The following CAMTA1 variants were observed in gnomAD, a reference collection of about 807,000 sequenced individuals.
The protein encoded by CAMTA1 is calmodulin-binding transcription activator 1.
CAMTA1 carries 27 observed loss-of-function variants against 170.9 expected under a neutral mutation model. The ratio of observed to expected loss-of-function variants is 0.16; its 90% CI spans 0.12 to 0.22. CAMTA1 has a LOEUF of 0.22. Among genes scored for constraint, CAMTA1 ranks in the 10% least tolerant of loss-of-function variants. The pLI, the probability that CAMTA1 is intolerant of heterozygous loss-of-function variation, is 1.00. For missense variants in CAMTA1, 1,619 were observed against 2,217.2 expected, an observed-to-expected ratio of 0.73 and a Z score of 5.42; for synonymous variants, 833 against 891.5, an observed-to-expected ratio of 0.93 and a Z score of 1.17.
chr1:7,722,253 A>G (rs915879621), intron 11 of CAMTA1, among the ~76,000 whole-genome samples: 1 of 152,160 alleles, frequency 6.6e-6, no homozygotes, highest in Non-Finnish European at 1.5e-5. Context: ...AAACATTGCT[A>G]AGGAATTTTA....
intron 11 of CAMTA1, among the ~76,000 whole-genome samples, chr1:7,695,677 C>T (rs1174093225): frequency 6.6e-6 from 1 of 152,078 alleles, no homozygotes; most frequent in African/African-American, 2.4e-5. Context: ...TGTGGCTGCA[C>T]CATGAGGGGC....
rs148843700 is a variant in CAMTA1, at chr1:7,286,078, T to C, written c.438+36452T>C. Among the ~76,000 whole-genome samples, 676 of 152,292 alleles carry C rather than the reference T, an allele frequency of 4.4e-3. 8 individuals carry two copies. The highest frequency in any genetic ancestry group is 0.024 in the Admixed American group (369 of 15,302). ...GTGTGCCAAGCACCATGCCAGATTC[T>C]GAAGACTCAGGGACCAGCGCCACAT... On this transcript the variant is annotated intron_variant, in intron 5 of 22. Transcript: ENST00000303635. The surrounding 1 kb of genome is among the most constrained non-coding windows in gnomAD (Gnocchi z 4.2).
intron 5 of CAMTA1, among the ~76,000 whole-genome samples, chr1:7,317,169 G>A (rs1677654638): frequency 6.6e-6 from 1 of 152,214 alleles, no homozygotes; most frequent in Non-Finnish European, 1.5e-5. Flanking sequence ...GGATGGGGAA[G>A]GGACCACAGC....
chr1:7,401,159 A>C (rs533961051), intron 5 of CAMTA1, among the ~76,000 whole-genome samples: 3 of 152,212 alleles, frequency 2.0e-5, no homozygotes, highest in Non-Finnish European at 4.4e-5. Flanking sequence ...TATGTCTATG[A>C]TCTGCTTTGC....
At chr1:7,117,009 C>T (rs1430238878) in intron 4 of CAMTA1, among the ~76,000 whole-genome samples, 1 of 151,308 alleles carries the variant, frequency 6.6e-6, no homozygotes, top group East Asian at 1.9e-4. Context: ...GCTCTTGTTG[C>T]CCAGGCTGGA....
intron 6 of CAMTA1, among the ~76,000 whole-genome samples, chr1:7,471,362 G>A (rs2093327053): frequency 6.6e-6 from 1 of 152,246 alleles, no homozygotes; most frequent in African/African-American, 2.4e-5. Context: ...GGCATGACCA[G>A]TAACCACCAT....
intron 11 of CAMTA1, among the ~76,000 whole-genome samples, chr1:7,717,765 T>C (rs971294779): frequency 6.6e-6 from 1 of 152,090 alleles, no homozygotes; most frequent in Non-Finnish European, 1.5e-5. Flanking sequence ...ATATTCTTAT[T>C]AGCTAAAAGG....
intron 6 of CAMTA1, among the ~76,000 whole-genome samples, chr1:7,638,308 T>C (rs561754870): frequency 5.3e-5 from 8 of 152,274 alleles, no homozygotes; most frequent in African/African-American, 1.9e-4. Flanking sequence ...CCCTGCAGCG[T>C]CTGATATCCT....
At chr1:7,424,498 G>A (rs1270740475) in intron 5 of CAMTA1, among the ~76,000 whole-genome samples, 1 of 152,020 alleles carries the variant, frequency 6.6e-6, no homozygotes, top group African/African-American at 2.4e-5. Context: ...TGCCTGAGAG[G>A]GGATCCACAT....
At chr1:7,437,468 G>A (rs909641759) in intron 5 of CAMTA1, among the ~76,000 whole-genome samples, 11 of 152,134 alleles carry the variant, frequency 7.2e-5, no homozygotes, top group Non-Finnish European at 1.2e-4. Flanking sequence ...ACCTGTGTTC[G>A]TGTCTGTGCC....
chr1:7,163,993 C>A lies in CAMTA1; in HGVS notation c.302+72622C>A, dbSNP rs76775277. Reference sequence around the variant, plus strand: ...GTTTCTAGCACAGATATGCTAGCACCTACTATGTGCTCAAAAATGTTGGTT... The same window carrying A: ...GTTTCTAGCACAGATATGCTAGCACATACTATGTGCTCAAAAATGTTGGTT... On this transcript the variant is annotated intron_variant, in intron 4 of 22. Transcript: ENST00000303635. 8.1e-3 allele frequency among the ~76,000 whole-genome samples: 1,227 copies of A among 152,278 alleles called. 14 individuals carry two copies. The highest frequency in any genetic ancestry group is 0.028 in the African/African-American group (1,143 of 41,540).
At chr1:7,108,371 T>C (rs576477823) in intron 4 of CAMTA1, among the ~76,000 whole-genome samples, 9 of 152,290 alleles carry the variant, frequency 5.9e-5, no homozygotes, top group Non-Finnish European at 4.4e-5. Context: ...CTTAGTGTCA[T>C]TGGTGTATTC....
Position 7,642,883 on chromosome 1 carries a change from T to C in CAMTA1, c.664+2330T>C, listed in dbSNP as rs540039296. 1.3e-5 allele frequency among the ~76,000 whole-genome samples: 2 copies of C among 152,236 alleles called. No homozygotes were observed. Among genetic ancestry groups the C allele is most frequent in the South Asian group, 4.1e-4 (2 of 4,824 alleles). On this transcript the variant is annotated intron_variant, in intron 7 of 22. Transcript: ENST00000303635. The surrounding 1 kb of genome is among the most constrained non-coding windows in gnomAD (Gnocchi z 6.3). ...TCAGCTCCTCCACCCCTGCACACCA[T>C]GTCCAAGGGGCTGAGGCTGCCAGCC...
intron 4 of CAMTA1, among the ~76,000 whole-genome samples, chr1:7,188,946 A>G (rs978576266): frequency 3.3e-5 from 5 of 152,118 alleles, no homozygotes; most frequent in African/African-American, 7.2e-5. Context: ...AAGAGTTCCA[A>G]TTTTTCCACA....
At chr1:6,831,130 T>A (rs989750178) in intron 3 of CAMTA1, among the ~76,000 whole-genome samples, 20 of 152,174 alleles carry the variant, frequency 1.3e-4, no homozygotes, top group Non-Finnish European at 4.4e-5. Flanking sequence ...ATAGTTTTGA[T>A]TCTTAATGAC....
chr1:7,661,642 G>A (rs1175022274), intron 7 of CAMTA1, 84 bp from the exon 8 acceptor site: 2 of 1,481,708 alleles, frequency 1.3e-6, no homozygotes, highest in African/African-American at 1.4e-5. Flanking sequence ...CCCTCAGGGA[G>A]GGCCTGGGTC....
chr1:7,741,312 C>T (rs12143374), intron 16 of CAMTA1, among the ~76,000 whole-genome samples: 66,342 of 151,656 alleles, frequency 0.44, 15,389 homozygotes, highest in Middle Eastern at 0.57. Context: ...ACCTGTAATC[C>T]CAGCACTTTG....
chr1:7,306,342 T>C (rs566764318), intron 5 of CAMTA1, among the ~76,000 whole-genome samples: 2 of 152,192 alleles, frequency 1.3e-5, no homozygotes, highest in South Asian at 4.1e-4. Flanking sequence ...TTTTTGTTTT[T>C]GTTTGCATTT....
At chr1:7,498,309 G>C (rs1440866751) in intron 6 of CAMTA1, among the ~76,000 whole-genome samples, 1 of 151,134 alleles carries the variant, frequency 6.6e-6, no homozygotes, top group Non-Finnish European at 1.5e-5. Flanking sequence ...AGTGAGTGTG[G>C]ATGTGTGTGT....
Sources: allele counts gnomAD v4.1 joint callset (sites outside exome capture counted in the v4.1 genomes callset), GRCh38; gene constraint gnomAD v4.1.1; non-coding constraint Gnocchi (gnomAD v3.1); transcripts MANE v1.5; gene names NCBI Gene and HGNC (gene_info 2026-07-23, HGNC 2026-07-21).